SIDT1: variants seen among roughly 807,000 people sequenced by gnomAD.
The protein encoded by SIDT1 is SID1 transmembrane family, member 1.
Under a neutral mutation model 107.5 loss-of-function variants are expected in SIDT1, and 101 were observed. The observed-to-expected ratio is 0.94, with a 90% CI of 0.80 to 1.11. The LOEUF is 1.11. Ranked by LOEUF, SIDT1 falls within the 50% of genes least tolerant of loss-of-function variation. The pLI, the probability that SIDT1 is intolerant of heterozygous loss-of-function variation, is 0.00. For missense variants in SIDT1, 1,076 were observed against 1,058.2 expected, an observed-to-expected ratio of 1.02 and a Z score of -0.23; for synonymous variants, 395 against 398.2, an observed-to-expected ratio of 0.99 and a Z score of 0.10.
At chr3:113,568,332 A>G (rs561103893) in intron 3 of SIDT1, among the ~76,000 whole-genome samples, 16 of 152,142 alleles carry the variant, frequency 1.1e-4, no homozygotes, top group African/African-American at 3.9e-4. Context: ...GTGGTGGCTC[A>G]CTCCTGTAAT....
intron 9 of SIDT1, among the ~76,000 whole-genome samples, chr3:113,590,507 TA>T (rs369252848): frequency 3.9e-5 from 6 of 152,330 alleles, no homozygotes; most frequent in African/African-American, 1.4e-4. Flanking sequence ...TTCGCCCCTT[TA>T]AAGTATACAA....
intron 19 of SIDT1, chr3:113,612,516 C>A: frequency 2.3e-6 from 1 of 443,304 alleles, no homozygotes; most frequent in Non-Finnish European, 4.4e-6. Context: ...ATGGTATGAT[C>A]ATACCACTAG....
At chr3:113,559,733 C>T (rs900634520) in intron 1 of SIDT1, among the ~76,000 whole-genome samples, 6 of 152,182 alleles carry the variant, frequency 3.9e-5, no homozygotes, top group African/African-American at 1.4e-4. Context: ...GCGTGAGCTA[C>T]CACACCTGGC....
chr3:113,583,866 G>A (rs373188508), intron 7 of SIDT1, among the ~76,000 whole-genome samples: 17 of 152,138 alleles, frequency 1.1e-4, no homozygotes, highest in African/African-American at 3.9e-4. Flanking sequence ...CAGTAGCCAT[G>A]GAGCTACTTA....
At chr3:113,580,123 A>C (rs902841034) in intron 4 of SIDT1, among the ~76,000 whole-genome samples, 2 of 152,136 alleles carry the variant, frequency 1.3e-5, no homozygotes. Flanking sequence ...GGCAAGGGGG[A>C]GGATGAGTCT....
At chr3:113,547,613 T>C (rs1419665787) in intron 1 of SIDT1, among the ~76,000 whole-genome samples, 1 of 152,118 alleles carries the variant, frequency 6.6e-6, no homozygotes, top group Non-Finnish European at 1.5e-5. Context: ...AAGAGTGAAG[T>C]TGGTTTAAAG....
chr3:113,621,736 T>C (rs1340221557), intron 21 of SIDT1, among the ~76,000 whole-genome samples: 1 of 152,212 alleles, frequency 6.6e-6, no homozygotes, highest in Non-Finnish European at 1.5e-5. Flanking sequence ...ATTCTAAAAT[T>C]TATTTGCTAG....
At chr3:113,621,239 C>G (rs529859731) in intron 21 of SIDT1, among the ~76,000 whole-genome samples, 24 of 152,216 alleles carry the variant, frequency 1.6e-4, no homozygotes, top group Middle Eastern at 3.4e-3. Flanking sequence ...GAAGGATGTA[C>G]AAGAGTTGCC....
intron 1 of SIDT1, among the ~76,000 whole-genome samples, chr3:113,550,616 C>T (rs1021600661): frequency 1.3e-5 from 2 of 152,020 alleles, no homozygotes; most frequent in African/African-American, 4.8e-5. Context: ...GACTTTTTTT[C>T]TGGGTTTTTT....
chr3:113,545,496 T>C (rs1037112250), intron 1 of SIDT1, among the ~76,000 whole-genome samples: 2 of 152,302 alleles, frequency 1.3e-5, no homozygotes, highest in African/African-American at 4.8e-5. Context: ...ATATTAAGAA[T>C]CTCTCTCTCA....
At chr3:113,602,627 A>G (rs1945038567) in intron 11 of SIDT1, 1 of 156,568 alleles carries the variant, frequency 6.4e-6, no homozygotes, top group Non-Finnish European at 1.4e-5. Flanking sequence ...GGGCTCACAC[A>G]TATATGCAAT....
chr3:113,572,366 C>T (rs1389761940), intron 3 of SIDT1, among the ~76,000 whole-genome samples: 2 of 152,172 alleles, frequency 1.3e-5, no homozygotes, highest in African/African-American at 2.4e-5. Flanking sequence ...GCCTGGTCCA[C>T]ATGATGCCTG....
At chr3:113,571,328 G>A (rs1055693999) in intron 3 of SIDT1, among the ~76,000 whole-genome samples, 1 of 152,158 alleles carries the variant, frequency 6.6e-6, no homozygotes, top group Admixed American at 6.5e-5. Context: ...TGAGGCAAGA[G>A]GACTGATTGA....
rs114102200 is a variant in SIDT1, at chr3:113,534,322, G to A, written c.222+1079G>A. ...AAGTGAGGGTGGTTTGTATTGAGCA[G>A]GGGGGACCAATGTGCCTAACACTGC... On this transcript the variant is annotated intron_variant, in intron 1 of 24. Transcript: ENST00000264852. Among the ~76,000 whole-genome samples the A allele has an allele frequency of 2.4e-3, 364 of 152,290 alleles. 1 individual carries two copies. The highest frequency in any genetic ancestry group is 8.3e-3 in the African/African-American group (344 of 41,542).
intron 15 of SIDT1, 151 bp downstream of exon 15, chr3:113,607,265 G>T: frequency 3.5e-6 from 2 of 575,810 alleles, no homozygotes; most frequent in Non-Finnish European, 3.1e-6. Flanking sequence ...TTGAGACCAG[G>T]TATGCTCCTC....
chr3:113,566,448 G>T lies in SIDT1; in HGVS notation c.251G>T (p.Ser84Ile), dbSNP rs367865105. The T allele has an allele frequency of 2.1e-5, 34 of 1,614,012 alleles. No homozygotes were observed. Among genetic ancestry groups the T allele is most frequent in the Non-Finnish European group, 2.6e-5 (31 of 1,180,038 alleles). Residue 84 changes from serine to isoleucine, a missense_variant, in exon 2 of 25, where the codon AGT becomes ATT. Physicochemically the swap from Ser to Ile is moderately radical, Grantham distance 142. Coordinates refer to ENST00000264852, the MANE Select transcript of SIDT1 (RefSeq NM_017699.3). The stretch of plus-strand genomic sequence containing the variant: ...ACAGCCGTGAGGGTGTATGTGAACA[G>T]TTCCTCTGAGAATCTCAACTACCCG... ...QVTAVRVYVN[S>I]SSENLNYPVL...
rs551637046 is a variant in SIDT1, at chr3:113,539,958, C to G, written c.222+6715C>G. ...GGCGGAGGCTGCAGTGAGCCGAGAT[C>G]ACGCCACTGCACTCCAGCCTGGACA... On this transcript the variant is annotated intron_variant, in intron 1 of 24. Coordinates refer to ENST00000264852, the MANE Select transcript of SIDT1 (RefSeq NM_017699.3). 3.3e-5 allele frequency among the ~76,000 whole-genome samples: 5 copies of G among 150,424 alleles called. No homozygotes were observed. In the East Asian group the frequency reaches 9.8e-4, roughly 29 times the overall value.
chr3:113,604,177 C>A (rs1484861818), intron 13 of SIDT1, 144 bp downstream of exon 13: 1 of 576,102 alleles, frequency 1.7e-6, no homozygotes, highest in African/African-American at 1.9e-5. Flanking sequence ...TATCAGTAGA[C>A]CTGCAATGGC....
intron 9 of SIDT1, chr3:113,590,212 C>T (rs1215597338): frequency 1.3e-5 from 2 of 152,188 alleles, no homozygotes; most frequent in African/African-American, 2.4e-5. Flanking sequence ...CCAAAGCCCT[C>T]TGCCATTCAG....
Sources: gnomAD v4.1 joint callset for allele counts (sites outside exome capture counted in the v4.1 genomes callset) on GRCh38, gnomAD v4.1.1 for gene constraint, MANE v1.5 for transcripts, NCBI Gene and HGNC (gene_info 2026-07-23, HGNC 2026-07-21) for gene names.